Variants in TENM4 observed in about 807,000 individuals in gnomAD.
The protein encoded by TENM4 is teneurin transmembrane protein 4, also known as teneurin-4.
TENM4 carries 82 observed loss-of-function variants against 243.3 expected under a neutral mutation model. That is an observed-to-expected ratio of 0.34 (90% confidence interval 0.28 to 0.40). The LOEUF is 0.40. Among genes scored for constraint, TENM4 ranks in the 10% least tolerant of loss-of-function variants. The pLI, the probability that TENM4 is intolerant of heterozygous loss-of-function variation, is 1.00. For missense variants in TENM4, 3,138 were observed against 3,673.3 expected (o/e 0.85, Z 3.77); for synonymous variants, 1,412 against 1,456.3 (o/e 0.97, Z 0.69).
chr11:78,992,648 T>C (rs1053050314), intron 6 of TENM4, among the ~76,000 whole-genome samples: 10 of 152,184 alleles, frequency 6.6e-5, no homozygotes, highest in Admixed American at 3.3e-4. Context: ...AGAAATAGCA[T>C]GGACAAAAGA....
At chr11:78,877,555 C>T (rs569351832) in intron 9 of TENM4, among the ~76,000 whole-genome samples, 3 of 152,278 alleles carry the variant, frequency 2.0e-5, no homozygotes, top group African/African-American at 4.8e-5. Flanking sequence ...TTCCATACTC[C>T]CTGGGCAATG....
At chr11:78,770,459 G>A (rs933749865) in intron 18 of TENM4, among the ~76,000 whole-genome samples, 3 of 152,128 alleles carry the variant, frequency 2.0e-5, no homozygotes, top group African/African-American at 7.2e-5. Context: ...CCTTCCTTGG[G>A]CTTTGACTGT....
intron 2 of TENM4, among the ~76,000 whole-genome samples, chr11:79,263,221 G>A (rs1052833495): frequency 2.0e-5 from 3 of 152,226 alleles, no homozygotes; most frequent in East Asian, 1.9e-4. Context: ...TGTGGGCCCC[G>A]TCAGGGCTCT....
intron 2 of TENM4, among the ~76,000 whole-genome samples, chr11:79,230,424 AG>A (rs142627621): frequency 0.016 from 2,422 of 152,304 alleles, 58 homozygotes; most frequent in African/African-American, 0.055. Context: ...TTGGGTGGTC[AG>A]GGCCATCTCC....
intron 29 of TENM4, among the ~76,000 whole-genome samples, chr11:78,687,181 A>C (rs1000134225): frequency 6.6e-6 from 1 of 152,026 alleles, no homozygotes; most frequent in Non-Finnish European, 1.5e-5. Flanking sequence ...ACAGGGCCCC[A>C]AATCGCCCAC....
chr11:78,926,212 T>C (rs891893380), intron 6 of TENM4, among the ~76,000 whole-genome samples: 3 of 151,556 alleles, frequency 2.0e-5, no homozygotes, highest in African/African-American at 4.9e-5. Flanking sequence ...GTAGAAGAGA[T>C]TAGAGTTCCT....
intron 1 of TENM4, among the ~76,000 whole-genome samples, chr11:79,409,349 A>G (rs1858650073): frequency 6.6e-6 from 1 of 152,154 alleles, no homozygotes; most frequent in Admixed American, 6.6e-5. Flanking sequence ...GGCATAGAGC[A>G]GGACTGAAAT....
At chr11:78,849,684 G>A (rs1161084196) in intron 12 of TENM4, among the ~76,000 whole-genome samples, 2 of 152,168 alleles carry the variant, frequency 1.3e-5, no homozygotes, top group African/African-American at 4.8e-5. Flanking sequence ...AAAGGAGGAG[G>A]ATCATAAGCT....
At chr11:78,730,048 C>CTT (rs1855616017) in intron 21 of TENM4, among the ~76,000 whole-genome samples, 1 of 152,204 alleles carries the variant, frequency 6.6e-6, no homozygotes, top group Admixed American at 6.5e-5. Flanking sequence ...ATATAAAATA[C>CTT]TTAGATCACA....
At chr11:78,898,417 C>CTGATT (rs1855844993) in intron 7 of TENM4, among the ~76,000 whole-genome samples, 1 of 152,228 alleles carries the variant, frequency 6.6e-6, no homozygotes, top group East Asian at 1.9e-4. Flanking sequence ...CAGGGAAGGG[C>CTGATT]CTGTGACTAT....
At chr11:78,701,334 G>A (rs1859095629) in intron 28 of TENM4, among the ~76,000 whole-genome samples, 192 bp downstream of exon 28, 1 of 152,150 alleles carries the variant, frequency 6.6e-6, no homozygotes, top group South Asian at 2.1e-4. Context: ...TGACTCCAAA[G>A]CTTATGCCTT....
At chr11:79,046,024 T>G (rs747478750) in intron 6 of TENM4, among the ~76,000 whole-genome samples, 1 of 152,242 alleles carries the variant, frequency 6.6e-6, no homozygotes, top group African/African-American at 2.4e-5. Flanking sequence ...CACTTTGCAC[T>G]TGCAGTCACT....
At position 79,031,535 on chromosome 11, in the gene TENM4, C is replaced by T. The variant is rs144669183; in HGVS notation, c.493+33203G>A. Among the ~76,000 whole-genome samples, 600 of 152,250 alleles carry T rather than the reference C, an allele frequency of 3.9e-3. 2 individuals are homozygous for T. The highest frequency in any genetic ancestry group is 6.4e-3 in the Non-Finnish European group (435 of 67,996). ...ATCAGTGGTAGGGTAGAGAGCTCACCGCTGCTGTCTCAGAATCCAGCACCG... is the reference window on the plus strand; with the variant it reads ...ATCAGTGGTAGGGTAGAGAGCTCACTGCTGCTGTCTCAGAATCCAGCACCG... On this transcript the variant is annotated intron_variant, in intron 6 of 33. Transcript: ENST00000278550.
At position 79,271,195 on chromosome 11, in the gene TENM4, A is replaced by G. The variant is rs1469975896; in HGVS notation, c.-265+26293T>C. On this transcript the variant is annotated intron_variant, in intron 2 of 33. Transcript: ENST00000278550. Reference sequence around the variant, plus strand: ...AAGATCTAGGGTAAAAGCAAGCTGCAAGGGGAACATTCAAACTGAACTCAA... The same window carrying G: ...AAGATCTAGGGTAAAAGCAAGCTGCGAGGGGAACATTCAAACTGAACTCAA... Among the ~76,000 whole-genome samples the G allele has an allele frequency of 1.1e-4, 17 of 152,180 alleles. 1 individual carries two copies.
intron 1 of TENM4, among the ~76,000 whole-genome samples, chr11:79,338,868 G>T (rs1282357517): frequency 1.3e-5 from 2 of 152,198 alleles, no homozygotes; most frequent in Non-Finnish European, 2.9e-5. Context: ...ATCCAGCTGA[G>T]AGTAATGTCT....
At chr11:79,321,275 G>A (rs1856883727) in intron 1 of TENM4, among the ~76,000 whole-genome samples, 1 of 152,154 alleles carries the variant, frequency 6.6e-6, no homozygotes, top group African/African-American at 2.4e-5. Flanking sequence ...GAGGAGAAAA[G>A]TGCTGCCTTC....
intron 4 of TENM4, among the ~76,000 whole-genome samples, chr11:79,112,656 G>A (rs7938232): frequency 0.23 from 35,026 of 151,980 alleles, 4,867 homozygotes; most frequent in African/African-American, 0.39. Flanking sequence ...TTTACAGCAC[G>A]AACACACCCA....
chr11:78,711,638 C>T (rs1291327754), intron 26 of TENM4, among the ~76,000 whole-genome samples: 1 of 152,138 alleles, frequency 6.6e-6, no homozygotes, highest in Non-Finnish European at 1.5e-5. Flanking sequence ...TACCCCCATT[C>T]TATCAGTGAG....
intron 4 of TENM4, among the ~76,000 whole-genome samples, chr11:79,139,081 T>TAAAC (rs1862202589): frequency 4.4e-5 from 1 of 22,678 alleles, no homozygotes; most frequent in African/African-American, 4.9e-4. Flanking sequence ...AAATATATAT[T>TAAAC]ATATTTCTAT....
Sources: allele counts gnomAD v4.1 joint callset (sites outside exome capture counted in the v4.1 genomes callset), GRCh38; gene constraint gnomAD v4.1.1; transcripts MANE v1.5; gene names NCBI Gene and HGNC (gene_info 2026-07-23, HGNC 2026-07-21).